The following MAPK8 variants were observed in gnomAD, a reference collection of about 807,000 sequenced individuals.
MAPK8 encodes the protein JUN N-terminal kinase.
In MAPK8, 13 loss-of-function variants were observed where a neutral mutation model predicts 52.9. The ratio of observed to expected loss-of-function variants is 0.25; its 90% CI spans 0.16 to 0.39. The LOEUF is 0.39. MAPK8 is among the 10% of genes least tolerant of loss of function. The pLI, the probability that MAPK8 is intolerant of heterozygous loss-of-function variation, is 1.00. For missense variants in MAPK8, 300 were observed against 519.2 expected, an observed-to-expected ratio of 0.58 and a Z score of 4.10; for synonymous variants, 191 against 169.8, an observed-to-expected ratio of 1.12 and a Z score of -0.97.
Position 48,436,636 on chromosome 10 carries a change from A to G in MAPK8, c.*1607A>G. ...TGTCTGAAAATTTGCTTGGCATTTT[A>G]TTCATATATTTAGTGCAAAATTATT... On this transcript the variant is annotated 3_prime_UTR_variant, in exon 12 of 12. Transcript: ENST00000374189. 1 of 152,238 alleles carries G rather than the reference A, an allele frequency of 6.6e-6. No homozygotes were observed. Among genetic ancestry groups the G allele is most frequent in the South Asian group, 2.1e-4 (1 of 4,832 alleles). 9.4% of individuals were successfully genotyped at this position (152,238 alleles called of 1,614,324 possible).
In MAPK8 at chr10:48,438,888, A is replaced by T. The variant is rs1385181423; in HGVS notation, c.*3859A>T. 1 of 152,246 alleles carries T rather than the reference A, an allele frequency of 6.6e-6. No individual in the cohort carries two copies. Among genetic ancestry groups the T allele is most frequent in the Non-Finnish European group, 1.5e-5 (1 of 68,036 alleles). The allele number at this position is 152,246 out of a possible 1,614,324, so 9.4% of individuals were successfully genotyped here. A position where few individuals can be genotyped will look rare whatever the true frequency, so the allele number is the denominator to read the frequency against. ...CGTGATATCGGTCCATTTACATTTT[A>T]CAAAAGGAGTAAATCTTAGTAAAAA... is the stretch of plus-strand genomic sequence containing the variant. On this transcript the variant is annotated 3_prime_UTR_variant, in exon 12 of 12. Coordinates refer to ENST00000374189, the MANE Select transcript of MAPK8 (RefSeq NM_001323329.2).
chr10:48,403,240 A>G (rs2042251676), intron 2 of MAPK8, among the ~76,000 whole-genome samples: 1 of 152,144 alleles, frequency 6.6e-6, no homozygotes, highest in Non-Finnish European at 1.5e-5. Flanking sequence ...TGGGTGGATC[A>G]TGAGGTCAGG....
chr10:48,373,181 A>G (rs1182308211), intron 1 of MAPK8, among the ~76,000 whole-genome samples: 3 of 152,162 alleles, frequency 2.0e-5, no homozygotes, highest in Admixed American at 6.5e-5. Context: ...CAGACAAGCA[A>G]CTGCTGAGAG....
At chr10:48,402,015 G>C (rs1037788888) in intron 2 of MAPK8, among the ~76,000 whole-genome samples, 17 of 152,110 alleles carry the variant, frequency 1.1e-4, no homozygotes, top group African/African-American at 3.9e-4. Context: ...AGGACCAGAA[G>C]TGTCAGATTT....
intron 1 of MAPK8, among the ~76,000 whole-genome samples, chr10:48,388,073 AG>A (rs1000088478): frequency 1.3e-5 from 2 of 152,204 alleles, no homozygotes. Context: ...GAAAGTATAC[AG>A]GTGTTGTATA....
At chr10:48,394,007 A>G (rs890292479) in intron 1 of MAPK8, among the ~76,000 whole-genome samples, 1 of 151,938 alleles carries the variant, frequency 6.6e-6, no homozygotes, top group Admixed American at 6.6e-5. Context: ...TATAGATTCT[A>G]TAGACATTAA....
intron 5 of MAPK8, among the ~76,000 whole-genome samples, chr10:48,415,511 G>C (rs1302474969): frequency 6.6e-6 from 1 of 152,200 alleles, no homozygotes; most frequent in East Asian, 1.9e-4. Context: ...AAAAAGGTCA[G>C]ATTTTGGCAG....
At chr10:48,426,653 TAAAC>T in intron 9 of MAPK8, 149 bp downstream of exon 9, 1 of 737,802 alleles carries the variant, frequency 1.4e-6, no homozygotes, top group Non-Finnish European at 2.1e-6. Context: ...CTACGTCAAA[TAAAC>T]TAATGAACAT....
At chr10:48,313,252 G>A (rs943941970) in intron 1 of MAPK8, among the ~76,000 whole-genome samples, 1 of 152,178 alleles carries the variant, frequency 6.6e-6, no homozygotes. Flanking sequence ...GGCCAACATA[G>A]TGATACCCCG....
At chr10:48,372,148 C>T (rs565947811) in intron 1 of MAPK8, among the ~76,000 whole-genome samples, 42 of 152,184 alleles carry the variant, frequency 2.8e-4, no homozygotes, top group African/African-American at 9.4e-4. Flanking sequence ...CAGCTCCTCT[C>T]CCCTTCCTAG....
At chr10:48,423,622 CTG>C (rs2043495318) in intron 6 of MAPK8, among the ~76,000 whole-genome samples, 1 of 152,062 alleles carries the variant, frequency 6.6e-6, no homozygotes, top group Non-Finnish European at 1.5e-5. Flanking sequence ...GAGATTATTT[CTG>C]TTAGATATTT....
chr10:48,372,206 A>G (rs1355309345), intron 1 of MAPK8, among the ~76,000 whole-genome samples: 1 of 152,036 alleles, frequency 6.6e-6, no homozygotes, highest in Non-Finnish European at 1.5e-5. Flanking sequence ...ATGATTACAA[A>G]CAGAAAGGAA....
chr10:48,397,737 T>G (rs545055592), intron 1 of MAPK8, among the ~76,000 whole-genome samples: 1 of 152,208 alleles, frequency 6.6e-6, no homozygotes, highest in Non-Finnish European at 1.5e-5. Flanking sequence ...ACTACAGGCA[T>G]ATGCCACCAC....
intron 1 of MAPK8, among the ~76,000 whole-genome samples, chr10:48,375,970 G>A (rs1408206024): frequency 8.5e-5 from 13 of 152,116 alleles, no homozygotes; most frequent in Non-Finnish European, 1.5e-5. Context: ...GAGGCATCAT[G>A]CTACCTGACT....
intron 1 of MAPK8, among the ~76,000 whole-genome samples, chr10:48,337,598 G>T (rs1844820072): frequency 1.3e-5 from 2 of 152,120 alleles, no homozygotes; most frequent in South Asian, 4.2e-4. Context: ...AAATAACAAA[G>T]ATTTGTGCAG....
At chr10:48,349,668 G>A (rs1490773839) in intron 1 of MAPK8, among the ~76,000 whole-genome samples, 1 of 152,084 alleles carries the variant, frequency 6.6e-6, no homozygotes, top group Non-Finnish European at 1.5e-5. Context: ...GGAGAAAGCA[G>A]GAAAGATCTA....
intron 1 of MAPK8, among the ~76,000 whole-genome samples, chr10:48,309,482 A>G (rs1475965739): frequency 6.6e-6 from 1 of 152,240 alleles, no homozygotes; most frequent in Non-Finnish European, 1.5e-5. Flanking sequence ...ATACTCCTTT[A>G]GATCCTGGGG....
intron 1 of MAPK8, among the ~76,000 whole-genome samples, chr10:48,322,813 A>G (rs551879320): frequency 1.2e-3 from 189 of 152,288 alleles, no homozygotes; most frequent in African/African-American, 4.3e-3. Context: ...TTACTCTCCC[A>G]GATCTTGGTC....
chr10:48,423,363 G>T (rs975980423), intron 6 of MAPK8, among the ~76,000 whole-genome samples: 5 of 152,142 alleles, frequency 3.3e-5, no homozygotes, highest in Non-Finnish European at 7.4e-5. Flanking sequence ...GGTTTTATGG[G>T]TTTAAAAAAC....
Sources: gnomAD v4.1 joint callset for allele counts (sites outside exome capture counted in the v4.1 genomes callset) on GRCh38, gnomAD v4.1.1 for gene constraint, MANE v1.5 for transcripts, NCBI Gene and HGNC (gene_info 2026-07-23, HGNC 2026-07-21) for gene names.